LAMA2: variants seen among roughly 807,000 people sequenced by gnomAD.
The protein encoded by LAMA2 is laminin subunit alpha-2.
LAMA2 carries 269 observed loss-of-function variants against 364.8 expected under a neutral mutation model. That is an observed-to-expected ratio of 0.74 (90% confidence interval 0.67 to 0.82). LAMA2 has a LOEUF of 0.82. LAMA2 is among the 40% of genes least tolerant of loss of function. The pLI is 0.00. For missense variants in LAMA2, 3,807 were observed against 3,873.2 expected (o/e 0.98, Z 0.45); for synonymous variants, 1,379 against 1,370.6 (o/e 1.01, Z -0.14).
intron 37 of LAMA2, among the ~76,000 whole-genome samples, chr6:129,398,521 G>A (rs113194090): frequency 0.037 from 5,300 of 143,604 alleles, 128 homozygotes; most frequent in African/African-American, 0.064. Context: ...TGTCACCCAG[G>A]CTGGATTGCA....
chr6:128,904,341 A>G (rs181020090), intron 1 of LAMA2, among the ~76,000 whole-genome samples: 3 of 152,110 alleles, frequency 2.0e-5, no homozygotes, highest in Non-Finnish European at 2.9e-5. Flanking sequence ...AAGCATTTTT[A>G]ATTCTACAAT....
intron 3 of LAMA2, among the ~76,000 whole-genome samples, chr6:129,081,392 T>A (rs6923140): frequency 6.6e-6 from 1 of 152,156 alleles, no homozygotes; most frequent in East Asian, 1.9e-4. Context: ...TAAAGCATAA[T>A]AATAAAAAAA....
At chr6:129,037,860 A>G (rs990916773) in intron 1 of LAMA2, among the ~76,000 whole-genome samples, 63 of 152,092 alleles carry the variant, frequency 4.1e-4, no homozygotes, top group Non-Finnish European at 6.8e-4. Flanking sequence ...TAGTAGAGAC[A>G]GGGTTTCACC....
Position 129,452,713 on chromosome 6 carries a change from G to A in LAMA2, c.6430-275G>A, listed in dbSNP as rs370689136. On this transcript the variant is annotated intron_variant, in intron 45 of 64. Coordinates refer to ENST00000421865, the MANE Select transcript of LAMA2 (RefSeq NM_000426.4). ...TATTGATAATGGAGAAATGTATGAC[G>A]TTAGAAGTTTGTTAGTTGCATGCTT... 3.0e-4 allele frequency among the ~76,000 whole-genome samples: 45 copies of A among 152,234 alleles called. 1 individual carries two copies. In the South Asian group the frequency reaches 6.6e-3, roughly 22 times the overall value.
intron 36 of LAMA2, among the ~76,000 whole-genome samples, chr6:129,392,083 A>G (rs370885864): frequency 3.3e-5 from 5 of 152,198 alleles, no homozygotes; most frequent in African/African-American, 1.2e-4. Context: ...ATATTGGCCA[A>G]CCTATACATT....
intron 14 of LAMA2, 95 bp downstream of exon 14, chr6:129,252,390 G>T: frequency 1.2e-6 from 1 of 864,186 alleles, no homozygotes; most frequent in Non-Finnish European, 1.9e-6. Flanking sequence ...AGGCACCTAG[G>T]ATTTGCTGTC....
intron 12 of LAMA2, among the ~76,000 whole-genome samples, chr6:129,216,705 TATG>T (rs1467060953): frequency 2.6e-5 from 4 of 152,144 alleles, no homozygotes; most frequent in Non-Finnish European, 5.9e-5. Flanking sequence ...AGAAAACTAA[TATG>T]AAGTGCAATT....
chr6:129,330,020 G>A lies in LAMA2; in HGVS notation c.4311+1608G>A, dbSNP rs116992485. 3.2e-3 allele frequency among the ~76,000 whole-genome samples: 490 copies of A among 151,662 alleles called. 4 individuals are homozygous for A. The East Asian group carries it at 0.043, about 13-fold the overall frequency. ...CACATGTGAGGGATCTAGGTTGTGC[G>A]CTCCTGAGAATCTAATGCCTGATGA... On this transcript the variant is annotated intron_variant, in intron 29 of 64. Coordinates refer to ENST00000421865, the MANE Select transcript of LAMA2 (RefSeq NM_000426.4).
intron 1 of LAMA2, among the ~76,000 whole-genome samples, chr6:129,010,912 C>T (rs1168131820): frequency 6.6e-6 from 1 of 152,118 alleles, no homozygotes. Flanking sequence ...TATACATATA[C>T]ACCCATATCC....
chr6:129,030,096 C>T (rs552682203), intron 1 of LAMA2, among the ~76,000 whole-genome samples: 1 of 152,016 alleles, frequency 6.6e-6, no homozygotes, highest in African/African-American at 2.4e-5. Context: ...AAAGATTGGC[C>T]GAATCTTATT....
intron 9 of LAMA2, among the ~76,000 whole-genome samples, chr6:129,171,128 A>T (rs186529604): frequency 6.6e-6 from 1 of 152,134 alleles, no homozygotes; most frequent in Non-Finnish European, 1.5e-5. Context: ...CTCTTTATCC[A>T]ATTTGCCAGT....
intron 1 of LAMA2, among the ~76,000 whole-genome samples, chr6:129,034,397 G>T (rs1409835957): frequency 2.0e-5 from 3 of 152,036 alleles, no homozygotes; most frequent in Non-Finnish European, 4.4e-5. Context: ...GCACTATTTT[G>T]TCCTTCCTGA....
At chr6:129,368,763 TTTG>T (rs1405250529) in intron 33 of LAMA2, among the ~76,000 whole-genome samples, 3 of 152,174 alleles carry the variant, frequency 2.0e-5, no homozygotes, top group Non-Finnish European at 4.4e-5. Flanking sequence ...GATTTTTTAT[TTTG>T]TTCTTCTTCC....
intron 10 of LAMA2, among the ~76,000 whole-genome samples, chr6:129,187,824 A>C (rs1412302741): frequency 6.6e-6 from 1 of 151,802 alleles, no homozygotes; most frequent in Non-Finnish European, 1.5e-5. Context: ...CAAAGTTTCA[A>C]ATTTTGAAAC....
chr6:129,079,287 A>T (rs995580369), intron 3 of LAMA2, among the ~76,000 whole-genome samples: 1 of 152,142 alleles, frequency 6.6e-6, no homozygotes, highest in African/African-American at 2.4e-5. Context: ...ATTGTTGTTA[A>T]ATCTCTTACT....
At chr6:128,952,528 C>A (rs930822938) in intron 1 of LAMA2, among the ~76,000 whole-genome samples, 3 of 151,330 alleles carry the variant, frequency 2.0e-5, no homozygotes, top group Non-Finnish European at 4.4e-5. Context: ...TTCTTGAATT[C>A]AAAAAAAATT....
At chr6:128,902,637 G>A (rs991929746) in intron 1 of LAMA2, among the ~76,000 whole-genome samples, 2 of 152,172 alleles carry the variant, frequency 1.3e-5, no homozygotes, top group Non-Finnish European at 2.9e-5. Context: ...AGAGAAGGTA[G>A]GGTATCAAAA....
At chr6:129,054,946 A>G (rs576272005) in intron 2 of LAMA2, among the ~76,000 whole-genome samples, 53 of 150,302 alleles carry the variant, frequency 3.5e-4, no homozygotes, top group Non-Finnish European at 6.5e-4. Flanking sequence ...TCCAAAAGCT[A>G]TTCTGTCTTT....
At chr6:129,156,312 T>C (rs1163715755) in intron 8 of LAMA2, among the ~76,000 whole-genome samples, 1 of 151,974 alleles carries the variant, frequency 6.6e-6, no homozygotes, top group African/African-American at 2.4e-5. Flanking sequence ...ATTTAACCAA[T>C]GAACATAGCA....
Sources: allele counts gnomAD v4.1 joint callset (sites outside exome capture counted in the v4.1 genomes callset), GRCh38; gene constraint gnomAD v4.1.1; transcripts MANE v1.5; gene names NCBI Gene and HGNC (gene_info 2026-07-23, HGNC 2026-07-21).